Variants in RBFOX1 observed in about 807,000 individuals in gnomAD.
RBFOX1 encodes the protein RNA binding fox-1 homolog 1.
A neutral mutation model predicts 57.7 loss-of-function variants in RBFOX1; 8 were observed. That is an observed-to-expected ratio of 0.14 (90% CI 0.08 to 0.25). The LOEUF is 0.25. Ranked by LOEUF, RBFOX1 falls within the 10% of genes least tolerant of loss-of-function variation. The pLI is 1.00. For synonymous variants in RBFOX1, 326 were observed against 222.4 expected, an observed-to-expected ratio of 1.47 and a Z score of -4.15; for missense variants, 611 against 548.5, an observed-to-expected ratio of 1.11 and a Z score of -1.14.
At position 6,908,116 on chromosome 16, in the gene RBFOX1, A is replaced by G. The variant is rs922523810; in HGVS notation, c.-15-143941A>G. Among the ~76,000 whole-genome samples the G allele has an allele frequency of 5.9e-5, 9 of 151,784 alleles. 1 individual carries two copies. The highest frequency in any genetic ancestry group is 1.0e-4 in the Non-Finnish European group (7 of 67,806). On this transcript the variant is annotated intron_variant, in intron 3 of 15. Coordinates refer to ENST00000550418, the MANE Select transcript of RBFOX1 (RefSeq NM_018723.4). ...ATTCACAGCTACTGGGGGTTAGGACATCCACATGTTTTGGAGGGAAACAAT... is the reference window on the plus strand; with the variant it reads ...ATTCACAGCTACTGGGGGTTAGGACGTCCACATGTTTTGGAGGGAAACAAT...
chr16:6,144,201 C>G (rs935485274), intron 1 of RBFOX1, among the ~76,000 whole-genome samples: 133 of 152,212 alleles, frequency 8.7e-4, no homozygotes, highest in African/African-American at 3.1e-3. Flanking sequence ...ATGCCATGGA[C>G]TATAAGTGCT....
At chr16:7,350,387 G>C (rs936382779) in intron 4 of RBFOX1, among the ~76,000 whole-genome samples, 1 of 152,122 alleles carries the variant, frequency 6.6e-6, no homozygotes, top group Non-Finnish European at 1.5e-5. Context: ...TAAAGAGGGA[G>C]GATGAAAAAC....
intron 4 of RBFOX1, among the ~76,000 whole-genome samples, chr16:5,978,681 T>TG (rs1431374655): frequency 1.4e-5 from 2 of 145,838 alleles, no homozygotes; most frequent in African/African-American, 5.3e-5. Context: ...TTTGTTTGTT[T>TG]TTTTTTTTGT....
At chr16:5,289,366 A>T (rs1395544311) in intron 1 of RBFOX1, 3 of 401,648 alleles carry the variant, frequency 7.5e-6, no homozygotes, top group East Asian at 1.1e-4. Context: ...AGGGCCCATC[A>T]TTGGCATCAT....
At chr16:7,507,705 A>G (rs2073829557) in intron 4 of RBFOX1, among the ~76,000 whole-genome samples, 1 of 151,392 alleles carries the variant, frequency 6.6e-6, no homozygotes, top group Non-Finnish European at 1.5e-5. Flanking sequence ...CTGGGACTAC[A>G]GGCGCCCACC....
chr16:5,407,997 A>G (rs1876668779), intron 1 of RBFOX1, among the ~76,000 whole-genome samples: 1 of 152,256 alleles, frequency 6.6e-6, no homozygotes, highest in African/African-American at 2.4e-5. Context: ...AAATCATGGC[A>G]GGGCTTTGTG....
chr16:5,928,945 A>G (rs1431512967), intron 4 of RBFOX1, among the ~76,000 whole-genome samples: 1 of 151,232 alleles, frequency 6.6e-6, no homozygotes, highest in Non-Finnish European at 1.5e-5. Context: ...GGCTGCAGGG[A>G]TGCTCGCCTC....
At chr16:5,285,404 C>G (rs552994196) in intron 1 of RBFOX1, among the ~76,000 whole-genome samples, 10 of 152,182 alleles carry the variant, frequency 6.6e-5, no homozygotes, top group African/African-American at 2.2e-4. Flanking sequence ...TTATATCTCC[C>G]TGAGTTTCTT....
chr16:7,222,811 G>C (rs1363800799), intron 4 of RBFOX1, among the ~76,000 whole-genome samples: 1 of 152,148 alleles, frequency 6.6e-6, no homozygotes, highest in African/African-American at 2.4e-5. Context: ...TACTCTTCTG[G>C]GTACTCATCA....
chr16:5,816,058 A>G (rs1183410282), intron 3 of RBFOX1, among the ~76,000 whole-genome samples: 1 of 152,206 alleles, frequency 6.6e-6, no homozygotes, highest in East Asian at 1.9e-4. Context: ...TAGGGCTGAT[A>G]AGGTCATGTG....
At chr16:6,170,551 C>T (rs181763783) in intron 1 of RBFOX1, among the ~76,000 whole-genome samples, 2 of 152,240 alleles carry the variant, frequency 1.3e-5, no homozygotes, top group Admixed American at 1.3e-4. Context: ...AAATAAATGT[C>T]AGAATACACT....
chr16:5,791,795 C>A (rs2054707291), intron 3 of RBFOX1, among the ~76,000 whole-genome samples: 1 of 152,182 alleles, frequency 6.6e-6, no homozygotes, highest in Non-Finnish European at 1.5e-5. Context: ...CATGTTTGAT[C>A]TGAATATCCT....
At chr16:6,171,307 C>G (rs76227951) in intron 1 of RBFOX1, among the ~76,000 whole-genome samples, 1 of 152,214 alleles carries the variant, frequency 6.6e-6, no homozygotes, top group Admixed American at 6.5e-5. Context: ...GTAGTCCAGC[C>G]GCACCACAAC....
At chr16:6,540,335 C>G (rs141954856) in intron 2 of RBFOX1, among the ~76,000 whole-genome samples, 6 of 151,736 alleles carry the variant, frequency 4.0e-5, no homozygotes, top group Middle Eastern at 3.4e-3. Flanking sequence ...CAACTCAGGC[C>G]TAGCGTGGTG....
intron 5 of RBFOX1, among the ~76,000 whole-genome samples, chr16:7,552,287 C>T (rs2086796873): frequency 6.6e-6 from 1 of 152,130 alleles, no homozygotes; most frequent in African/African-American, 2.4e-5. Context: ...CTTTGATCAG[C>T]AGCTATAGTT....
chr16:6,109,104 A>C (rs748969092), intron 1 of RBFOX1, among the ~76,000 whole-genome samples: 2 of 152,202 alleles, frequency 1.3e-5, no homozygotes, highest in African/African-American at 2.4e-5. Flanking sequence ...GTTTAGTCTT[A>C]ATGGTTTTAT....
At chr16:5,317,620 CA>C (rs888497620) in intron 1 of RBFOX1, among the ~76,000 whole-genome samples, 10 of 151,498 alleles carry the variant, frequency 6.6e-5, no homozygotes, top group African/African-American at 2.4e-4. Context: ...AAGTGAAAAA[CA>C]AAAAAAAGCG....
At chr16:6,033,913 A>C (rs1015395222) in intron 1 of RBFOX1, among the ~76,000 whole-genome samples, 29 of 152,178 alleles carry the variant, frequency 1.9e-4, no homozygotes, top group Admixed American at 1.7e-3. Flanking sequence ...GAACCAAATG[A>C]AGCCATGTGG....
At chr16:7,680,499 G>A (rs779306554) in intron 14 of RBFOX1, among the ~76,000 whole-genome samples, 15 of 152,118 alleles carry the variant, frequency 9.9e-5, no homozygotes, top group Non-Finnish European at 1.9e-4. Flanking sequence ...CCTAGAGACG[G>A]AAGCAAGACA....
Sources: gnomAD v4.1 joint callset for allele counts (sites outside exome capture counted in the v4.1 genomes callset) on GRCh38, gnomAD v4.1.1 for gene constraint, MANE v1.5 for transcripts, NCBI Gene and HGNC (gene_info 2026-07-23, HGNC 2026-07-21) for gene names.